Variants in CELF2 observed in about 807,000 individuals in gnomAD.
CELF2 encodes the protein CUGBP Elav-like family member 2, also known as CUG triplet repeat RNA-binding protein 2.
CELF2 carries 8 observed loss-of-function variants against 62.6 expected under a neutral mutation model. The ratio of observed to expected loss-of-function variants is 0.13; its 90% CI spans 0.07 to 0.23. The LOEUF is 0.23. Among genes scored for constraint, CELF2 ranks in the 10% least tolerant of loss-of-function variants. The probability of loss-of-function intolerance (pLI) is 1.00; values close to 1 mark genes in which losing one functional copy is unlikely to be tolerated. For missense variants in CELF2, 333 were observed against 671.0 expected, an observed-to-expected ratio of 0.50 and a Z score of 5.56; for synonymous variants, 258 against 250.0, an observed-to-expected ratio of 1.03 and a Z score of -0.30.
At chr10:10,476,671 G>A in the CELF2 span, among the ~76,000 whole-genome samples, 1,105 of 151,944 alleles carry the variant, frequency 7.3e-3, 8 homozygotes, top group Middle Eastern at 0.017. Context: ...CCAACTTCTT[G>A]GTGGGAAAAT....
Position 10,959,496 on chromosome 10 carries a change from T to C in CELF2, c.89+39497T>C, listed in dbSNP as rs1194280888. Among the ~76,000 whole-genome samples the C allele has an allele frequency of 2.0e-5, 3 of 152,146 alleles. No homozygotes were observed. The East Asian group carries it at 5.8e-4, about 29-fold the overall frequency. On this transcript the variant is annotated intron_variant, in intron 2 of 13. Coordinates refer to the CELF2 transcript ENST00000636488. ...TGAGTTCCGCTCAGAAGAAAACAAC[T>C]TTCAAAAAATTTTTTCCATGCATTT... is the stretch of plus-strand genomic sequence containing the variant.
the CELF2 span, among the ~76,000 whole-genome samples, chr10:10,716,032 T>C: frequency 2.9e-3 from 449 of 152,262 alleles, 1 homozygote; most frequent in African/African-American, 0.01. Flanking sequence ...GTTAGAAAAA[T>C]TCTATTTGAA....
chr10:11,022,410 AGT>A (rs1198197470), intron 1 of CELF2, among the ~76,000 whole-genome samples: 1 of 152,218 alleles, frequency 6.6e-6, no homozygotes, highest in Non-Finnish European at 1.5e-5. Flanking sequence ...GATGAGATGC[AGT>A]GAGCTGGGGA....
At chr10:10,830,133 A>G (rs1167788344) in intron 1 of CELF2, among the ~76,000 whole-genome samples, 1 of 152,164 alleles carries the variant, frequency 6.6e-6, no homozygotes, top group Non-Finnish European at 1.5e-5. Context: ...GAAAAGTTGT[A>G]TAAGACTCCT....
At chr10:10,842,506 G>T (rs1591065157) in intron 1 of CELF2, among the ~76,000 whole-genome samples, 1 of 152,054 alleles carries the variant, frequency 6.6e-6, no homozygotes, top group Admixed American at 6.6e-5. Flanking sequence ...ATGAATGAAT[G>T]TTAGAATTTT....
intron 1 of CELF2, among the ~76,000 whole-genome samples, chr10:10,853,234 G>A (rs2059496915): frequency 6.6e-6 from 1 of 152,166 alleles, no homozygotes; most frequent in South Asian, 2.1e-4. Context: ...GCCCACCTTG[G>A]CCTCTGAAAG....
Position 10,804,746 on chromosome 10 carries a change from C to T in CELF2, c.53+5929C>T, listed in dbSNP as rs537579169. Among the ~76,000 whole-genome samples the T allele has an allele frequency of 2.6e-5, 4 of 152,310 alleles. No individual in the cohort carries two copies. The South Asian group carries it at 6.2e-4, about 24-fold the overall frequency. The stretch of plus-strand genomic sequence containing the variant: ...TTGATGGGAAACATAGAACAGACCC[C>T]GAAATGTTGTAAGTCACTGCTTGGC... On this transcript the variant is annotated intron_variant, in intron 1 of 13. Transcript: ENST00000636488.
rs143137432 is a variant in CELF2 at position 10,962,964 on chromosome 10, G to A, written c.89+42965G>A. Among the ~76,000 whole-genome samples, 291 of 152,244 alleles carry A rather than the reference G, an allele frequency of 1.9e-3. 8 individuals carry two copies. In the East Asian group the frequency reaches 0.039, roughly 20 times the overall value. On this transcript the variant is annotated intron_variant, in intron 2 of 13. Transcript: ENST00000636488. ...CAAACGTGCAATGCCATCTTGGTAA[G>A]TCAAATGGATTGTATTTCCCCATAA... is the stretch of plus-strand genomic sequence containing the variant.
At chr10:10,554,206 C>A in the CELF2 span, among the ~76,000 whole-genome samples, 19,268 of 152,094 alleles carry the variant, frequency 0.13, 1,340 homozygotes, top group South Asian at 0.19. Context: ...AGAGGGAATT[C>A]ATGAATTCCA....
chr10:10,791,918 T>C, the CELF2 span, among the ~76,000 whole-genome samples: 1 of 151,564 alleles, frequency 6.6e-6, no homozygotes, highest in East Asian at 1.9e-4. Context: ...AGTACTGGTC[T>C]ACAATGAATC....
intron 1 of CELF2, among the ~76,000 whole-genome samples, chr10:11,162,893 A>G (rs569819569): frequency 1.9e-4 from 29 of 152,306 alleles, no homozygotes; most frequent in Middle Eastern, 6.8e-3. Context: ...CCCATTTTAC[A>G]GATAAGAGTC....
chr10:10,467,501 G>T, the CELF2 span, among the ~76,000 whole-genome samples: 1 of 151,928 alleles, frequency 6.6e-6, no homozygotes. Context: ...CTTGGAAAAA[G>T]ATACTGTATA....
Position 11,217,385 on chromosome 10 carries a change from T to G in CELF2, c.272-40T>G. ...GTCTCCATTATATCTAAGCAAAGCA[T>G]TCACAGAAATTTCTAAAACCTTTTC... is the stretch of plus-strand genomic sequence containing the variant. On this transcript the variant is annotated intron_variant, in intron 2 of 12. Coordinates refer to ENST00000633077, the MANE Select transcript of CELF2 (RefSeq NM_001326342.2). The surrounding 1 kb of genome is among the most constrained non-coding windows in gnomAD (Gnocchi z 5.6). 1.4e-6 allele frequency: 2 copies of G among 1,417,974 alleles called. No individual in the cohort carries two copies. The highest frequency in any genetic ancestry group is 2.0e-6 in the Non-Finnish European group (2 of 1,007,476). The allele number at this position is 1,417,974 out of a possible 1,614,324, so 87.8% of individuals were successfully genotyped here.
chr10:10,561,916 C>T, the CELF2 span, among the ~76,000 whole-genome samples: 3 of 152,112 alleles, frequency 2.0e-5, no homozygotes. Context: ...AGGTTCAGCC[C>T]CCCTGCTCTC....
chr10:11,080,858 C>A (rs977982882), intron 1 of CELF2, among the ~76,000 whole-genome samples: 1 of 152,206 alleles, frequency 6.6e-6, no homozygotes, highest in South Asian at 2.1e-4. Context: ...AGTTGATCCA[C>A]GTCTGTTGTC....
chr10:10,476,897 A>G, the CELF2 span, among the ~76,000 whole-genome samples: 3 of 152,260 alleles, frequency 2.0e-5, no homozygotes, highest in African/African-American at 7.2e-5. Flanking sequence ...TCATTTTGTG[A>G]ATGGTTCATT....
the CELF2 span, among the ~76,000 whole-genome samples, chr10:10,489,116 A>C: frequency 6.6e-6 from 1 of 152,132 alleles, no homozygotes; most frequent in Non-Finnish European, 1.5e-5. Context: ...AGCTCTAGAC[A>C]TCTCACTGAT....
At chr10:11,149,140 G>A (rs2062828464) in intron 1 of CELF2, among the ~76,000 whole-genome samples, 1 of 152,012 alleles carries the variant, frequency 6.6e-6, no homozygotes, top group Admixed American at 6.6e-5. Flanking sequence ...GTGCGATCTT[G>A]GCTCACTGCA....
chr10:10,825,195 T>C (rs965060156), intron 1 of CELF2, among the ~76,000 whole-genome samples: 2 of 152,026 alleles, frequency 1.3e-5, no homozygotes, highest in Non-Finnish European at 2.9e-5. Flanking sequence ...TTGTTGTTGT[T>C]TTTTTGTTTT....
Sources: allele counts gnomAD v4.1 joint callset (sites outside exome capture counted in the v4.1 genomes callset), GRCh38; gene constraint gnomAD v4.1.1; non-coding constraint Gnocchi (gnomAD v3.1); transcripts MANE v1.5; gene names NCBI Gene and HGNC (gene_info 2026-07-23, HGNC 2026-07-21).